Variants in CCNH observed in about 807,000 individuals in gnomAD.
The protein encoded by CCNH is cyclin-H.
Under a neutral mutation model 41.9 loss-of-function variants are expected in CCNH, and 31 were observed. That is an observed-to-expected ratio of 0.74 (90% CI 0.56 to 1.00). The LOEUF (loss-of-function observed/expected upper bound fraction) is 1.00, where lower values mean the gene tolerates loss of function less well. Ranked by LOEUF, CCNH falls within the 50% of genes least tolerant of loss-of-function variation. The probability of loss-of-function intolerance (pLI) is 0.00; values close to 1 mark genes in which losing one functional copy is unlikely to be tolerated. For synonymous variants in CCNH, 138 were observed against 136.1 expected, an observed-to-expected ratio of 1.01 and a Z score of -0.10; for missense variants, 362 against 388.4, an observed-to-expected ratio of 0.93 and a Z score of 0.57.
In CCNH at chr5:87,411,358, C is replaced by G; in HGVS notation, c.118-12G>C. Reference sequence around the variant, plus strand: ...TCATTCGGAAGAACCTTTAGATCAACAATTACAACACAAGTTCAATGAATT... The same window carrying G: ...TCATTCGGAAGAACCTTTAGATCAAGAATTACAACACAAGTTCAATGAATT... On this transcript the variant is annotated splice_polypyrimidine_tract_variant and intron_variant, in intron 1 of 8. Transcript: ENST00000256897. 6.3e-7 allele frequency: 1 copy of G among 1,595,722 alleles called. No homozygotes were observed. Among genetic ancestry groups the G allele is most frequent in the Non-Finnish European group, 8.5e-7 (1 of 1,173,116 alleles).
intron 9 of CCNH, among the ~76,000 whole-genome samples, chr5:87,361,843 A>G (rs889555358): frequency 1.7e-4 from 26 of 151,212 alleles, no homozygotes; most frequent in Admixed American, 3.3e-4. Flanking sequence ...TTAGTTTTAT[A>G]CATTTTTTTT....
At chr5:87,343,310 T>G (rs1480079515) in intron 9 of CCNH, among the ~76,000 whole-genome samples, 1 of 152,182 alleles carries the variant, frequency 6.6e-6, no homozygotes, top group Non-Finnish European at 1.5e-5. Context: ...AGTTCAGGAC[T>G]TTTTAAATCT....
intron 9 of CCNH, among the ~76,000 whole-genome samples, chr5:87,330,072 A>G (rs1173223707): frequency 6.6e-6 from 1 of 152,080 alleles, no homozygotes; most frequent in Admixed American, 6.5e-5. Context: ...TTACAATTAT[A>G]TTTTGTTTGT....
chr5:87,333,407 A>G (rs1391475554), intron 9 of CCNH: 6 of 1,584,914 alleles, frequency 3.8e-6, no homozygotes, highest in Non-Finnish European at 5.1e-6. Context: ...TTACTCTTGG[A>G]CTAGGAAGCT....
intron 7 of CCNH, 38 bp downstream of exon 7, chr5:87,399,356 A>G: frequency 7.1e-7 from 1 of 1,402,788 alleles, no homozygotes; most frequent in Non-Finnish European, 1.0e-6. Flanking sequence ...ACTGGATAAC[A>G]GTTATGTCTA....
At chr5:87,396,761 A>G (rs747288702) in intron 7 of CCNH, among the ~76,000 whole-genome samples, 2 of 152,356 alleles carry the variant, frequency 1.3e-5, no homozygotes, top group East Asian at 3.9e-4. Context: ...TACCAATGTG[A>G]TACTTTTTCA....
chr5:87,396,162 C>A (rs949502948), intron 7 of CCNH, among the ~76,000 whole-genome samples: 4 of 152,010 alleles, frequency 2.6e-5, no homozygotes, highest in Non-Finnish European at 4.4e-5. Context: ...TATAAGTAAT[C>A]TAGAGATGAT....
intron 9 of CCNH, among the ~76,000 whole-genome samples, chr5:87,322,539 C>T (rs1756903861): frequency 6.6e-6 from 1 of 152,132 alleles, no homozygotes; most frequent in African/African-American, 2.4e-5. Flanking sequence ...CCTGGCTCCT[C>T]CCCCCTTCTC....
chr5:87,389,323 C>A (rs549809484), downstream of CCNH: 88 of 1,585,396 alleles, frequency 5.6e-5, no homozygotes, highest in East Asian at 1.5e-3. Flanking sequence ...AAGAGCGAAA[C>A]TCTGTCTCAA....
chr5:87,377,192 G>A (rs1472819357), upstream of CCNH: 14 of 988,922 alleles, frequency 1.4e-5, no homozygotes, highest in East Asian at 5.3e-5. Flanking sequence ...GCAGTTGGAT[G>A]TCAGTTCTGA....
chr5:87,369,450 TG>T (rs1456712688), intron 9 of CCNH, among the ~76,000 whole-genome samples: 2 of 152,296 alleles, frequency 1.3e-5, no homozygotes, highest in African/African-American at 4.8e-5. Flanking sequence ...AGAACATTTT[TG>T]GTCTAAGAAC....
chr5:87,338,138 T>C, intron 9 of CCNH: 1 of 1,607,406 alleles, frequency 6.2e-7, no homozygotes. Context: ...AAATATTTTA[T>C]AAATTTGGAT....
chr5:87,410,648 T>C (rs1448128187), intron 2 of CCNH, among the ~76,000 whole-genome samples: 1 of 152,172 alleles, frequency 6.6e-6, no homozygotes, highest in South Asian at 2.1e-4. Context: ...TCTACCTTTT[T>C]TATCTTTCTG....
At chr5:87,314,740 TAAA>T (rs1031605229), downstream of CCNH, among the ~76,000 whole-genome samples, 16 of 146,976 alleles carry the variant, frequency 1.1e-4, no homozygotes, top group Middle Eastern at 7.0e-3. Flanking sequence ...GATGGTCATT[TAAA>T]AAAAAAAAGT....
At chr5:87,393,860 G>GT (rs150184251), downstream of CCNH, 3,087 of 152,272 alleles carry the variant, frequency 0.02, 46 homozygotes, top group Non-Finnish European at 0.031. Context: ...CTATACTAGC[G>GT]TAAGAGTTTG....
At chr5:87,389,571 A>T, downstream of CCNH, 1 of 1,605,394 alleles carries the variant, frequency 6.2e-7, no homozygotes, top group South Asian at 1.1e-5. Flanking sequence ...TTTCAAAGAT[A>T]ACACTTAGAG....
intron 9 of CCNH, chr5:87,363,380 A>G: frequency 6.2e-7 from 1 of 1,611,160 alleles, no homozygotes; most frequent in Non-Finnish European, 8.5e-7. Flanking sequence ...TTTATATTTT[A>G]TCTTAGAGGG....
intron 1 of CCNH, 190 bp downstream of exon 1, chr5:87,412,488 G>A (rs1387660260): frequency 7.0e-7 from 1 of 1,422,972 alleles, no homozygotes; most frequent in Non-Finnish European, 9.2e-7. Flanking sequence ...TTCGACGACG[G>A]GGATGGCGTT....
chr5:87,338,897 C>G (rs896465417), intron 9 of CCNH, among the ~76,000 whole-genome samples: 1 of 151,790 alleles, frequency 6.6e-6, no homozygotes, highest in African/African-American at 2.4e-5. Context: ...GTTTTTGTTT[C>G]CATCATATAA....
Sources: allele counts gnomAD v4.1 joint callset (sites outside exome capture counted in the v4.1 genomes callset), GRCh38; gene constraint gnomAD v4.1.1; transcripts MANE v1.5; gene names NCBI Gene and HGNC (gene_info 2026-07-23, HGNC 2026-07-21).